The following ITFG1 variants were observed in gnomAD, a reference collection of about 807,000 sequenced individuals.
ITFG1 encodes the protein T-cell immunomodulatory protein.
A neutral mutation model predicts 81.8 loss-of-function variants in ITFG1; 34 were observed. The ratio of observed to expected loss-of-function variants is 0.42; its 90% CI spans 0.32 to 0.55. The LOEUF is 0.55. Among genes scored for constraint, ITFG1 ranks in the 20% least tolerant of loss-of-function variants. The pLI is 0.17. For synonymous variants in ITFG1, 285 were observed against 270.6 expected (o/e 1.05, Z -0.52); for missense variants, 672 against 755.4 (o/e 0.89, Z 1.29).
chr16:47,162,214 TATA>T (rs1335714132), intron 15 of ITFG1, among the ~76,000 whole-genome samples: 1 of 151,774 alleles, frequency 6.6e-6, no homozygotes, highest in Non-Finnish European at 1.5e-5. Flanking sequence ...TACACATATG[TATA>T]ATAATATTAT....
intron 1 of ITFG1, among the ~76,000 whole-genome samples, 178 bp from the exon 2 acceptor site, chr16:47,459,353 C>G (rs909294768): frequency 1.3e-5 from 2 of 152,208 alleles, no homozygotes; most frequent in African/African-American, 2.4e-5. Flanking sequence ...CATTATATCA[C>G]AAGTTCAATG....
At chr16:47,177,179 A>G (rs1009955251) in intron 14 of ITFG1, among the ~76,000 whole-genome samples, 2 of 152,100 alleles carry the variant, frequency 1.3e-5, no homozygotes, top group African/African-American at 2.4e-5. Context: ...TGTCTTGCCC[A>G]AGCTGGTTTC....
chr16:47,323,030 C>T (rs969092861), intron 8 of ITFG1, among the ~76,000 whole-genome samples: 1 of 151,930 alleles, frequency 6.6e-6, no homozygotes, highest in Admixed American at 6.6e-5. Context: ...TCAATATTAT[C>T]TCATGGATAC....
intron 8 of ITFG1, among the ~76,000 whole-genome samples, chr16:47,343,149 G>T (rs1045582421): frequency 1.3e-4 from 20 of 152,052 alleles, no homozygotes; most frequent in African/African-American, 4.3e-4. Flanking sequence ...AACAGACATA[G>T]ACCAATGGAA....
chr16:47,398,335 G>T (rs1362442397), intron 6 of ITFG1, among the ~76,000 whole-genome samples: 2 of 152,154 alleles, frequency 1.3e-5, no homozygotes, highest in Non-Finnish European at 2.9e-5. Context: ...GATTCCTCCT[G>T]AAAAAGTGAG....
At chr16:47,371,677 T>C (rs147708098) in intron 7 of ITFG1, among the ~76,000 whole-genome samples, 90 of 152,296 alleles carry the variant, frequency 5.9e-4, no homozygotes, top group African/African-American at 1.9e-3. Flanking sequence ...GGTTCTCAAC[T>C]GAGGGAATTT....
At chr16:47,217,590 C>T (rs1965639860) in intron 14 of ITFG1, among the ~76,000 whole-genome samples, 1 of 152,122 alleles carries the variant, frequency 6.6e-6, no homozygotes, top group Non-Finnish European at 1.5e-5. Flanking sequence ...TATCTATATC[C>T]TTATTTATCT....
At chr16:47,221,332 T>C (rs948210838) in intron 13 of ITFG1, among the ~76,000 whole-genome samples, 1 of 152,196 alleles carries the variant, frequency 6.6e-6, no homozygotes, top group African/African-American at 2.4e-5. Flanking sequence ...TCTGCATCTA[T>C]TGAGATAATC....
chr16:47,251,219 A>G (rs2151538928), intron 12 of ITFG1, among the ~76,000 whole-genome samples: 1 of 152,336 alleles, frequency 6.6e-6, no homozygotes, highest in South Asian at 2.1e-4. Context: ...GGAGTAAGTC[A>G]GGGCTCTTGT....
At chr16:47,184,587 T>C (rs1965184016) in intron 14 of ITFG1, among the ~76,000 whole-genome samples, 1 of 151,900 alleles carries the variant, frequency 6.6e-6, no homozygotes. Context: ...CTGAGAGATT[T>C]TGTCACCACC....
chr16:47,332,257 G>A (rs1967647065), intron 8 of ITFG1, among the ~76,000 whole-genome samples: 1 of 151,946 alleles, frequency 6.6e-6, no homozygotes, highest in Non-Finnish European at 1.5e-5. Flanking sequence ...ATAAACAGCT[G>A]CTAACAATGA....
chr16:47,323,897 C>T lies in ITFG1; in HGVS notation c.803-10074G>A, dbSNP rs528270409. 1.1e-4 allele frequency among the ~76,000 whole-genome samples: 17 copies of T among 152,120 alleles called. No homozygotes were observed. In the East Asian group the frequency reaches 2.1e-3, roughly 19 times the overall value. ...CTGGAAGAGAACAGGGAGAGGAAGA[C>T]GGGACTAGATTATTCTTAAAATTCT... On this transcript the variant is annotated intron_variant, in intron 8 of 17. Coordinates refer to ENST00000320640, the MANE Select transcript of ITFG1 (RefSeq NM_030790.5).
chr16:47,298,106 A>G (rs1967012277), intron 10 of ITFG1, among the ~76,000 whole-genome samples: 1 of 152,044 alleles, frequency 6.6e-6, no homozygotes, highest in South Asian at 2.1e-4. Flanking sequence ...TCTCTTGTTG[A>G]AGCTTTCAAC....
chr16:47,172,303 G>A (rs538605426), intron 14 of ITFG1, among the ~76,000 whole-genome samples: 20 of 152,202 alleles, frequency 1.3e-4, no homozygotes, highest in African/African-American at 4.1e-4. Flanking sequence ...AGGCCAACAC[G>A]GCAAAACCCT....
intron 6 of ITFG1, 21 bp downstream of exon 6, chr16:47,428,783 C>G: frequency 6.7e-7 from 1 of 1,483,170 alleles, no homozygotes; most frequent in South Asian, 1.2e-5. Context: ...CAAAACAATT[C>G]CAGATTTATG....
chr16:47,315,375 T>A lies in ITFG1; in HGVS notation c.803-1552A>T, dbSNP rs556995705. 2.6e-5 allele frequency among the ~76,000 whole-genome samples: 4 copies of A among 152,226 alleles called. No homozygotes were observed. In the East Asian group the frequency reaches 7.7e-4, roughly 29 times the overall value. ...GAAAGAACTAATACAAAAATGTGAT[T>A]TACAAACTGGCTCAAGTGATAACAT... On this transcript the variant is annotated intron_variant, in intron 8 of 17. Transcript: ENST00000320640.
At chr16:47,203,796 G>A (rs1965457884) in intron 14 of ITFG1, among the ~76,000 whole-genome samples, 1 of 152,160 alleles carries the variant, frequency 6.6e-6, no homozygotes, top group African/African-American at 2.4e-5. Context: ...TCTGTGGCCT[G>A]GGGGATGGGC....
Position 47,461,007 on chromosome 16 carries a change from G to A in ITFG1, c.39C>T (p.Leu13=), listed in dbSNP as rs751489195. The change falls in exon 1 of 18, where the codon CTC becomes CTT. Residue 13 remains leucine (L), a synonymous_variant. Transcript: ENST00000320640. The part of the protein sequence containing the change: ...AAGRLPSSWA[L]FSPLLAGLAL... ...CAAGCCCTGCGAGGAGCGGCGAGAA[G>A]AGGGCCCAGGAGCTCGGGAGCCGGC... 4.1e-5 allele frequency: 64 copies of A among 1,556,292 alleles called. No individual in the cohort carries two copies. The highest frequency in any genetic ancestry group is 5.3e-5 in the Non-Finnish European group (61 of 1,151,702).
intron 5 of ITFG1, among the ~76,000 whole-genome samples, chr16:47,434,837 G>A (rs1038920504): frequency 6.6e-6 from 1 of 152,148 alleles, no homozygotes; most frequent in Non-Finnish European, 1.5e-5. Flanking sequence ...TATGGAATAT[G>A]ATGCAGCCAT....
Sources: gnomAD v4.1 joint callset for allele counts (sites outside exome capture counted in the v4.1 genomes callset) on GRCh38, gnomAD v4.1.1 for gene constraint, MANE v1.5 for transcripts, NCBI Gene and HGNC (gene_info 2026-07-23, HGNC 2026-07-21) for gene names.